DST: variants seen among roughly 807,000 people sequenced by gnomAD.
DST encodes bullous pemphigoid antigen.
DST carries 253 observed loss-of-function variants against 875.2 expected under a neutral mutation model. That is an observed-to-expected ratio of 0.29 (90% CI 0.26 to 0.32). The LOEUF (loss-of-function observed/expected upper bound fraction) is 0.32, where lower values mean the gene tolerates loss of function less well. DST is among the 10% of genes least tolerant of loss of function. DST has a pLI of 1.00. For synonymous variants in DST, 3,124 were observed against 3,197.1 expected (o/e 0.98, Z 0.77); for missense variants, 8,287 against 9,111.6 (o/e 0.91, Z 3.68).
intron 10 of DST, among the ~76,000 whole-genome samples, chr6:56,662,960 A>AAACAT (rs1253773466): frequency 1.3e-5 from 2 of 152,130 alleles, no homozygotes; most frequent in African/African-American, 4.8e-5. Flanking sequence ...AAACAAAACA[A>AAACAT]AACAGAACAA....
chr6:56,805,555 A>G (rs1156311980), intron 4 of DST, among the ~76,000 whole-genome samples: 17 of 152,194 alleles, frequency 1.1e-4, no homozygotes, highest in Admixed American at 1.1e-3. Flanking sequence ...AACTGGTTAA[A>G]CTATCAATTT....
chr6:56,947,246 C>A (rs1171773060), intron 2 of DST, among the ~76,000 whole-genome samples: 1 of 75,728 alleles, frequency 1.3e-5, no homozygotes, highest in Non-Finnish European at 2.5e-5. Context: ...TTTTGCTACT[C>A]TCTCTTTTTT....
chr6:56,501,081 T>C lies in DST; in HGVS notation c.19895A>G (p.His6632Arg), dbSNP rs1487707980. ...KAIEIELAKH[H>R]VLQNDVLAHQ... ...TAACATGCATTAACAGCTACGTACA[T>C]GATGCTTGGCAAGTTCAATTTCAAT... Residue 6632 changes from histidine (H) to arginine (R), a missense_variant and splice_region_variant, in exon 80 of 104, where the codon CAT (histidine) becomes CGT (arginine). By Grantham distance (29) the His-to-Arg change is conservative (BLOSUM62 0). Around this residue, in one of 10 missense-constraint regions of DST, gnomAD observed 1,292 missense variants for 1,552.7 expected, o/e 0.83. Transcript: ENST00000680361. 8.1e-6 allele frequency: 13 copies of C among 1,612,206 alleles called. No homozygotes were observed. Among genetic ancestry groups the C allele is most frequent in the African/African-American group, 1.3e-5 (1 of 74,910 alleles).
chr6:56,920,427 G>C (rs957548486), intron 2 of DST, among the ~76,000 whole-genome samples: 1 of 152,164 alleles, frequency 6.6e-6, no homozygotes, highest in Non-Finnish European at 1.5e-5. Context: ...GAAAGGCTGG[G>C]AAATGAAGTC....
intron 55 of DST, among the ~76,000 whole-genome samples, chr6:56,565,807 T>C (rs1412264596): frequency 6.6e-6 from 1 of 152,174 alleles, no homozygotes; most frequent in Non-Finnish European, 1.5e-5. Context: ...CAGCCACCCC[T>C]TCCCCCAGGT....
chr6:56,639,058 T>C, intron 22 of DST: 2 of 612,088 alleles, frequency 3.3e-6, no homozygotes, highest in Non-Finnish European at 5.8e-6. Flanking sequence ...CTGACAAGGG[T>C]ACTTTTATTC....
In DST at chr6:56,552,170, G is replaced by T. The variant is rs761788242; in HGVS notation, c.16608+14C>A. ...GACAATAAAAACACTGGGTAAAAAT[G>T]AAGAGTTCCCTACCTTGAACATGTT... is the stretch of plus-strand genomic sequence containing the variant. On this transcript the variant is annotated intron_variant, in intron 61 of 103. Coordinates refer to ENST00000680361, the MANE Select transcript of DST (RefSeq NM_001374736.1). 3 of 1,563,032 alleles carry T rather than the reference G, an allele frequency of 1.9e-6. No individual in the cohort carries two copies. The highest frequency in any genetic ancestry group is 1.2e-5 in the South Asian group (1 of 81,496).
intron 49 of DST, among the ~76,000 whole-genome samples, chr6:56,591,427 C>A (rs1404031399): frequency 2.0e-5 from 3 of 152,216 alleles, no homozygotes; most frequent in Non-Finnish European, 4.4e-5. Flanking sequence ...TCCCTTCCAA[C>A]TGTCCATTCC....
At chr6:56,704,248 C>T (rs1420668706) in intron 6 of DST, 32 bp downstream of exon 6, 1 of 1,168,128 alleles carries the variant, frequency 8.6e-7, no homozygotes, top group Non-Finnish European at 1.2e-6. Flanking sequence ...ATTACACGTT[C>T]TTCAAAATAA....
intron 3 of DST, among the ~76,000 whole-genome samples, chr6:56,878,819 T>C (rs917013914): frequency 2.6e-5 from 4 of 152,110 alleles, no homozygotes; most frequent in African/African-American, 9.7e-5. Context: ...TGAATCTCTG[T>C]CAAGCTGAGA....
chr6:56,824,430 C>G (rs539825579), intron 4 of DST, among the ~76,000 whole-genome samples: 48 of 152,220 alleles, frequency 3.2e-4, no homozygotes, highest in Non-Finnish European at 4.9e-4. Context: ...GCTGCCACCC[C>G]GTCTGGGAAG....
intron 5 of DST, among the ~76,000 whole-genome samples, chr6:56,706,829 A>G (rs930181021): frequency 1.3e-5 from 2 of 152,086 alleles, no homozygotes; most frequent in Non-Finnish European, 2.9e-5. Context: ...GGCAAAACCC[A>G]TCTCTACTAA....
chr6:56,491,949 T>G (rs1374558709), intron 85 of DST, among the ~76,000 whole-genome samples: 2 of 152,194 alleles, frequency 1.3e-5, no homozygotes, highest in Admixed American at 1.3e-4. Flanking sequence ...ATTCTGAGCT[T>G]CTTTCTGGGC....
chr6:56,607,378 T>C lies in DST; in HGVS notation c.7250A>G (p.Glu2417Gly). ...MSKFCGVNET[E>G]NEDNTNRDSP... is the part of the protein sequence containing the mutation. Reference sequence around the variant, plus strand: ...ATCCCTGTTTGTATTATCTTCATTCTCTGTTTCATTCACACCACAGAATTT... The same window carrying C: ...ATCCCTGTTTGTATTATCTTCATTCCCTGTTTCATTCACACCACAGAATTT... Residue 2417 changes from glutamate to glycine, a missense_variant, in exon 40 of 104, where the codon GAG becomes GGG. Physicochemically the swap from Glu to Gly is moderately conservative, Grantham distance 98. This residue lies in a region of DST where 3,138 missense variants were observed against 3,116.6 expected (regional missense o/e 1.01). Coordinates refer to ENST00000680361, the MANE Select transcript of DST (RefSeq NM_001374736.1). 6.2e-7 allele frequency: 1 copy of C among 1,612,900 alleles called. No individual in the cohort carries two copies. The highest frequency in any genetic ancestry group is 8.5e-7 in the Non-Finnish European group (1 of 1,179,600).
Position 56,614,360 on chromosome 6 carries a change from T to G in DST, c.5054A>C (p.Gln1685Pro), listed in dbSNP as rs1161411600. ...EKAGKPPFSK[Q>P]KISSEEISTK... is the part of the protein sequence containing the mutation. ...AACCAGGACTTCTGTGAATACCTTT[T>G]GCTTAGAGAAGGGAGGTTTTCCAGC... Residue 1685 changes from glutamine to proline, a missense_variant, in exon 37 of 104, where the codon CAA becomes CCA. Gln to Pro is a moderately conservative substitution (Grantham distance 76). Around this residue, in one of 10 missense-constraint regions of DST, gnomAD observed 3,138 missense variants for 3,116.6 expected, o/e 1.01. Coordinates refer to ENST00000680361, the MANE Select transcript of DST (RefSeq NM_001374736.1). The G allele has an allele frequency of 6.2e-7, 1 of 1,603,704 alleles. No individual in the cohort carries two copies. The highest frequency in any genetic ancestry group is 2.2e-5 in the East Asian group (1 of 44,448).
chr6:56,872,641 T>C (rs1237277332), intron 3 of DST, among the ~76,000 whole-genome samples: 1 of 152,216 alleles, frequency 6.6e-6, no homozygotes, highest in Non-Finnish European at 1.5e-5. Context: ...ATGATGGTTA[T>C]CTTGAGTAAG....
In DST at chr6:56,605,328, A is replaced by T; in HGVS notation, c.9300T>A (p.Asn3100Lys). Residue 3100 changes from asparagine to lysine, a missense_variant, in exon 40 of 104, where the codon AAT becomes AAA. Coordinates refer to ENST00000680361, the MANE Select transcript of DST (RefSeq NM_001374736.1). ...GGCTTCCTTTCTGATTAAGTTCTTC[A>T]TTGTTTGTGATTTGTGGAAATGGAA... ...SQFPFPQITN[N>K]EELNQKGSLK... The T allele has an allele frequency of 6.2e-7, 1 of 1,612,254 alleles. No homozygotes were observed. Among genetic ancestry groups the T allele is most frequent in the Non-Finnish European group, 8.5e-7 (1 of 1,179,110 alleles).
intron 10 of DST, among the ~76,000 whole-genome samples, chr6:56,664,099 TC>T (rs1191816486): frequency 6.6e-6 from 1 of 152,088 alleles, no homozygotes; most frequent in Non-Finnish European, 1.5e-5. Flanking sequence ...CTAGTTTTAG[TC>T]TTGACATACT....
At chr6:56,644,897 G>C (rs1370530535) in intron 15 of DST, among the ~76,000 whole-genome samples, 1 of 152,176 alleles carries the variant, frequency 6.6e-6, no homozygotes, top group Non-Finnish European at 1.5e-5. Flanking sequence ...GGGCCAGGTG[G>C]AGATAACTGA....
Sources: gnomAD v4.1 joint callset for allele counts (sites outside exome capture counted in the v4.1 genomes callset) on GRCh38, gnomAD v4.1.1 for gene constraint, gnomAD v4.1.1 regional missense constraint, MANE v1.5 for transcripts, NCBI Gene and HGNC (gene_info 2026-07-23, HGNC 2026-07-21) for gene names.